The following SEC11C variants were observed in gnomAD, a reference collection of about 807,000 sequenced individuals.
The protein encoded by SEC11C is SEC11 homolog C, signal peptidase complex subunit.
SEC11C carries 10 observed loss-of-function variants against 21.9 expected under a neutral mutation model. That is an observed-to-expected ratio of 0.46 (90% CI 0.28 to 0.77). The LOEUF (loss-of-function observed/expected upper bound fraction) is 0.77. Among genes scored for constraint, SEC11C ranks in the 30% least tolerant of loss-of-function variants. The probability of loss-of-function intolerance (pLI) is 0.12; values close to 1 mark genes in which losing one functional copy is unlikely to be tolerated. For missense variants in SEC11C, 145 were observed against 244.5 expected (o/e 0.59, Z 2.71); for synonymous variants, 83 against 85.6 (o/e 0.97, Z 0.17).
In SEC11C at chr18:59,155,669, A is replaced by C. The variant is rs1454645576; in HGVS notation, c.348-19A>C. On this transcript the variant is annotated intron_variant, in intron 3 of 5. Coordinates refer to ENST00000587834, the MANE Select transcript of SEC11C (RefSeq NM_033280.4). ...TGTGCTGAAAATAATTTTTGAGAAG[A>C]CATTATTTTGCTTTCCAGAGATAAT... is the stretch of plus-strand genomic sequence containing the variant. 6.2e-7 allele frequency: 1 copy of C among 1,605,728 alleles called. No individual in the cohort carries two copies.
intron 1 of SEC11C, among the ~76,000 whole-genome samples, chr18:59,149,058 A>T (rs1398639527): frequency 6.6e-6 from 1 of 152,262 alleles, no homozygotes; most frequent in Admixed American, 6.5e-5. Flanking sequence ...CAAGCACTAT[A>T]GGACTCCAAA....
At chr18:59,154,098 T>C (rs751569135) in intron 3 of SEC11C, among the ~76,000 whole-genome samples, 4 of 152,246 alleles carry the variant, frequency 2.6e-5, no homozygotes, top group Admixed American at 6.5e-5. Flanking sequence ...AGTTTCAACC[T>C]GTGGTGATAC....
intron 4 of SEC11C, chr18:59,156,974 G>C (rs555503616): frequency 1.3e-5 from 2 of 152,376 alleles, no homozygotes; most frequent in East Asian, 3.9e-4. Context: ...GGGTACCTAT[G>C]GGTGTGTTAC....
At chr18:59,140,612 ACTCAAC>A (rs2069198839) in intron 1 of SEC11C, among the ~76,000 whole-genome samples, 1 of 152,100 alleles carries the variant, frequency 6.6e-6, no homozygotes, top group African/African-American at 2.4e-5. Context: ...ATCATTGTGG[ACTCAAC>A]CAGTGTTCCC....
chr18:59,148,856 C>T (rs1035190472), intron 1 of SEC11C, among the ~76,000 whole-genome samples: 5 of 152,152 alleles, frequency 3.3e-5, no homozygotes, highest in Admixed American at 2.6e-4. Context: ...ACCTTGTGAT[C>T]CACCCGCCTC....
intron 2 of SEC11C, among the ~76,000 whole-genome samples, 165 bp downstream of exon 2, chr18:59,149,787 GTTT>G (rs58746048): frequency 8.6e-5 from 13 of 151,764 alleles, no homozygotes; most frequent in African/African-American, 2.4e-4. Flanking sequence ...AAAATGTTTC[GTTT>G]TTTTTCTGGC....
At chr18:59,150,797 C>T (rs2069341390) in intron 2 of SEC11C, among the ~76,000 whole-genome samples, 1 of 151,950 alleles carries the variant, frequency 6.6e-6, no homozygotes, top group Non-Finnish European at 1.5e-5. Flanking sequence ...GATGGACCCT[C>T]TCCCTTAACA....
chr18:59,153,476 A>ATG (rs60825048), intron 3 of SEC11C: 20,373 of 151,582 alleles, frequency 0.13, 2,998 homozygotes, highest in African/African-American at 0.37. Context: ...CTCACTGTGT[A>ATG]TGTGTGTGTG....
Position 59,152,693 on chromosome 18 carries a change from GGC to G in SEC11C, c.347+9_347+10del. The G allele has an allele frequency of 5.7e-6, 9 of 1,580,548 alleles. No homozygotes were observed. The highest frequency in any genetic ancestry group is 7.7e-6 in the Non-Finnish European group (9 of 1,168,980). ...AATCAAAGTTCATGAAAAGTAAAGA[GGC>G]TTTATTTCCTTTTGGTTTTGTTATG... On this transcript the variant is annotated intron_variant, in intron 3 of 5. Coordinates refer to ENST00000587834, the MANE Select transcript of SEC11C (RefSeq NM_033280.4).
At chr18:59,145,284 A>C (rs1276541329) in intron 1 of SEC11C, among the ~76,000 whole-genome samples, 1 of 152,220 alleles carries the variant, frequency 6.6e-6, no homozygotes, top group African/African-American at 2.4e-5. Context: ...TTCCCGCTAC[A>C]TTGGCAGGGC....
At chr18:59,152,414 C>A in intron 2 of SEC11C, 122 bp from the exon 3 acceptor site, 1 of 1,035,834 alleles carries the variant, frequency 9.7e-7, no homozygotes, top group Non-Finnish European at 1.4e-6. Context: ...AAGGAAGCCA[C>A]ATTGGCTCGT....
intron 2 of SEC11C, 124 bp from the exon 3 acceptor site, chr18:59,152,412 C>A (rs1351556107): frequency 1.0e-6 from 1 of 1,000,868 alleles, no homozygotes; most frequent in Non-Finnish European, 1.4e-6. Context: ...AGAAGGAAGC[C>A]ACATTGGCTC....
chr18:59,150,748 T>C (rs1381902239), intron 2 of SEC11C, among the ~76,000 whole-genome samples: 1 of 152,200 alleles, frequency 6.6e-6, no homozygotes, highest in African/African-American at 2.4e-5. Context: ...TAAGGCTTTT[T>C]TTTTTTTAAA....
intron 1 of SEC11C, among the ~76,000 whole-genome samples, chr18:59,144,513 A>G (rs76121527): frequency 0.022 from 3,323 of 152,174 alleles, 110 homozygotes; most frequent in African/African-American, 0.076. Context: ...TGAGGCTAGT[A>G]TGTTCAAGAC....
chr18:59,140,934 A>G (rs7242209), intron 1 of SEC11C, among the ~76,000 whole-genome samples: 31,468 of 152,060 alleles, frequency 0.21, 4,060 homozygotes, highest in East Asian at 0.39. Flanking sequence ...TAGGACCTGA[A>G]TATCACGGTG....
At chr18:59,149,402 C>T (rs1212275330) in intron 1 of SEC11C, 111 bp from the exon 2 acceptor site, 4 of 655,582 alleles carry the variant, frequency 6.1e-6, no homozygotes, top group Admixed American at 2.2e-5. Context: ...TGTTAGTTTC[C>T]TGTCCTAAAA....
In SEC11C at chr18:59,145,920, G is replaced by A. The variant is rs545670711; in HGVS notation, c.88-3593G>A. ...TAGCCTAGGAGCAATAGGCTACATC[G>A]TATAGCTTAGGGGTATAGTAAGCGA... On this transcript the variant is annotated intron_variant, in intron 1 of 5. Coordinates refer to ENST00000587834, the MANE Select transcript of SEC11C (RefSeq NM_033280.4). Among the ~76,000 whole-genome samples, 41 of 152,328 alleles carry A rather than the reference G, an allele frequency of 2.7e-4. 1 individual carries two copies. The highest frequency in any genetic ancestry group is 2.1e-3 in the Admixed American group (32 of 15,298).
chr18:59,144,445 G>A (rs1379692382), intron 1 of SEC11C, among the ~76,000 whole-genome samples: 1 of 152,158 alleles, frequency 6.6e-6, no homozygotes, highest in Admixed American at 6.5e-5. Flanking sequence ...AAATTTCTTA[G>A]GCAAAGGCTA....
At position 59,158,619 on chromosome 18, in the gene SEC11C, GTT is replaced by G; in HGVS notation, c.526-10_526-9del. 1 of 1,612,778 alleles carries G rather than the reference GTT, an allele frequency of 6.2e-7. No individual in the cohort carries two copies. The highest frequency in any genetic ancestry group is 2.2e-5 in the East Asian group (1 of 44,830). On this transcript the variant is annotated splice_polypyrimidine_tract_variant and intron_variant, in intron 5 of 5. Coordinates refer to ENST00000587834, the MANE Select transcript of SEC11C (RefSeq NM_033280.4). ...AGACCTCACAGTGATTTTCCATTGT[GTT>G]TTCTTTCCAGTATGCTCTTTTGGCT...
Sources: gnomAD v4.1 joint callset for allele counts (sites outside exome capture counted in the v4.1 genomes callset) on GRCh38, gnomAD v4.1.1 for gene constraint, MANE v1.5 for transcripts, NCBI Gene and HGNC (gene_info 2026-07-23, HGNC 2026-07-21) for gene names.